Variants in CACNA2D3 observed in about 807,000 individuals in gnomAD.
CACNA2D3 encodes voltage-dependent calcium channel subunit alpha-2/delta-3.
Under a neutral mutation model 160.6 loss-of-function variants are expected in CACNA2D3, and 60 were observed. The ratio of observed to expected loss-of-function variants is 0.37; its 90% confidence interval spans 0.30 to 0.46. The LOEUF is 0.46. Among genes scored for constraint, CACNA2D3 ranks in the 20% least tolerant of loss-of-function variants. The probability of loss-of-function intolerance (pLI) is 1.00; values close to 1 mark genes in which losing one functional copy is unlikely to be tolerated. For synonymous variants in CACNA2D3, 558 were observed against 492.9 expected, an observed-to-expected ratio of 1.13 and a Z score of -1.75; for missense variants, 1,205 against 1,365.0, an observed-to-expected ratio of 0.88 and a Z score of 1.85.
chr3:54,544,046 T>C (rs1702023655), intron 5 of CACNA2D3, among the ~76,000 whole-genome samples: 1 of 152,194 alleles, frequency 6.6e-6, no homozygotes, highest in African/African-American at 2.4e-5. Flanking sequence ...TCTTTGTCCT[T>C]CTTTTCTTTA....
At chr3:54,370,520 C>T (rs1243332298) in intron 3 of CACNA2D3, among the ~76,000 whole-genome samples, 1 of 152,086 alleles carries the variant, frequency 6.6e-6, no homozygotes, top group Non-Finnish European at 1.5e-5. Context: ...TGCCTAATCC[C>T]CTGGTGAGCG....
At chr3:54,602,532 A>G (rs1439120972) in intron 9 of CACNA2D3, among the ~76,000 whole-genome samples, 2 of 151,666 alleles carry the variant, frequency 1.3e-5, no homozygotes, top group African/African-American at 2.4e-5. Context: ...GGGAAAAAAG[A>G]AAAAAGAGAG....
rs117077126 is a variant in CACNA2D3, at chr3:54,971,377, C to T, written c.2556+1533C>T. 1.0e-3 allele frequency among the ~76,000 whole-genome samples: 156 copies of T among 152,232 alleles called. 2 individuals are homozygous for T. In the East Asian group the frequency reaches 0.025, roughly 24 times the overall value. On this transcript the variant is annotated intron_variant, in intron 29 of 37. Transcript: ENST00000474759. ...TAGTAGTAGTGATTAATCAGTGTCT[C>T]GAGGCCCTGTGTTAAGCTCTTCACT...
intron 11 of CACNA2D3, among the ~76,000 whole-genome samples, chr3:54,712,997 G>C (rs1441874308): frequency 6.6e-6 from 1 of 152,178 alleles, no homozygotes; most frequent in Non-Finnish European, 1.5e-5. Context: ...ACAGGGGTAG[G>C]GGAACATAGT....
intron 4 of CACNA2D3, among the ~76,000 whole-genome samples, chr3:54,400,807 C>G (rs71301882): frequency 0.11 from 17,002 of 152,134 alleles, 1,146 homozygotes; most frequent in East Asian, 0.18. Context: ...ACCAGATGTG[C>G]AGACATCAAT....
intron 5 of CACNA2D3, among the ~76,000 whole-genome samples, chr3:54,561,525 G>A (rs1702324997): frequency 6.6e-6 from 1 of 152,218 alleles, no homozygotes. Context: ...TCTGTAAACA[G>A]GGATAGTTTG....
At chr3:54,690,218 C>T (rs1175242480) in intron 11 of CACNA2D3, among the ~76,000 whole-genome samples, 2 of 152,108 alleles carry the variant, frequency 1.3e-5, no homozygotes, top group Admixed American at 1.3e-4. Flanking sequence ...TTATTTTTCT[C>T]TCCTCTCCAC....
intron 29 of CACNA2D3, among the ~76,000 whole-genome samples, chr3:54,983,254 A>G (rs1702545618): frequency 1.3e-5 from 2 of 152,168 alleles, no homozygotes; most frequent in African/African-American, 4.8e-5. Context: ...TAGCTGTGGA[A>G]CCCTTGAAAT....
intron 27 of CACNA2D3, among the ~76,000 whole-genome samples, chr3:54,964,562 A>G (rs1702100224): frequency 6.6e-6 from 1 of 152,190 alleles, no homozygotes; most frequent in Non-Finnish European, 1.5e-5. Flanking sequence ...GGGCTTGACA[A>G]ATGTCTCAGG....
chr3:54,520,302 A>T (rs528167453), intron 5 of CACNA2D3, among the ~76,000 whole-genome samples: 1 of 152,332 alleles, frequency 6.6e-6, no homozygotes, highest in South Asian at 2.1e-4. Flanking sequence ...CCAAGGGAAG[A>T]GTGTCTTGGC....
At chr3:54,305,855 T>A (rs1043720817) in intron 2 of CACNA2D3, among the ~76,000 whole-genome samples, 2 of 152,240 alleles carry the variant, frequency 1.3e-5, no homozygotes. Context: ...GCAGTGCCTG[T>A]GACTTTGTCA....
chr3:54,202,331 C>T (rs1298140260), intron 2 of CACNA2D3, among the ~76,000 whole-genome samples: 1 of 152,230 alleles, frequency 6.6e-6, no homozygotes, highest in East Asian at 1.9e-4. Flanking sequence ...GTGTCCTAAG[C>T]CTGTTCAGGA....
chr3:54,640,056 C>T (rs1699481281), intron 10 of CACNA2D3, among the ~76,000 whole-genome samples: 1 of 152,132 alleles, frequency 6.6e-6, no homozygotes, highest in Admixed American at 6.5e-5. Flanking sequence ...TGGCCATTTA[C>T]ACTTCTTTTG....
At chr3:54,636,095 A>C (rs1016310150) in intron 10 of CACNA2D3, among the ~76,000 whole-genome samples, 1 of 151,884 alleles carries the variant, frequency 6.6e-6, no homozygotes, top group African/African-American at 2.4e-5. Flanking sequence ...TAGCAGATGG[A>C]ACACTGAGAA....
At chr3:54,277,614 T>G (rs997797783) in intron 2 of CACNA2D3, among the ~76,000 whole-genome samples, 4 of 152,108 alleles carry the variant, frequency 2.6e-5, no homozygotes, top group Non-Finnish European at 5.9e-5. Context: ...TCTACGGGCT[T>G]TTTTTTGATT....
intron 2 of CACNA2D3, among the ~76,000 whole-genome samples, chr3:54,195,480 G>A (rs530369271): frequency 1.4e-4 from 21 of 152,332 alleles, no homozygotes; most frequent in African/African-American, 4.8e-4. Flanking sequence ...TATTGAAGGT[G>A]TAGGTGTGGT....
intron 4 of CACNA2D3, among the ~76,000 whole-genome samples, chr3:54,455,067 ATC>A (rs1337480655): frequency 2.0e-5 from 3 of 152,132 alleles, no homozygotes; most frequent in African/African-American, 7.2e-5. Context: ...GGGCGCAGAT[ATC>A]TCTTCAACAT....
At chr3:54,751,468 T>TA (rs779096755) in intron 11 of CACNA2D3, among the ~76,000 whole-genome samples, 16 of 152,142 alleles carry the variant, frequency 1.1e-4, no homozygotes, top group Non-Finnish European at 1.9e-4. Flanking sequence ...GTGTTTTTTT[T>TA]AATCTCTTCA....
At chr3:54,861,684 A>G (rs1312727385) in intron 17 of CACNA2D3, among the ~76,000 whole-genome samples, 1 of 152,250 alleles carries the variant, frequency 6.6e-6, no homozygotes, top group African/African-American at 2.4e-5. Context: ...GGCTGACACT[A>G]AGCTGACGGC....
Sources: gnomAD v4.1 joint callset for allele counts (sites outside exome capture counted in the v4.1 genomes callset) on GRCh38, gnomAD v4.1.1 for gene constraint, MANE v1.5 for transcripts, NCBI Gene and HGNC (gene_info 2026-07-23, HGNC 2026-07-21) for gene names.